The following IL1R2 variants were observed in gnomAD, a reference collection of about 807,000 sequenced individuals.
The protein encoded by IL1R2 is interleukin-1 receptor type 2.
A neutral mutation model predicts 39.5 loss-of-function variants in IL1R2; 46 were observed. The ratio of observed to expected loss-of-function variants is 1.16; its 90% CI spans 0.92 to 1.49. The LOEUF (loss-of-function observed/expected upper bound fraction) is 1.49. Ranked by LOEUF, IL1R2 falls within the 40% of genes most tolerant of loss-of-function variation. The pLI, the probability that IL1R2 is intolerant of heterozygous loss-of-function variation, is 0.00. For missense variants in IL1R2, 537 were observed against 502.0 expected, an observed-to-expected ratio of 1.07 and a Z score of -0.67; for synonymous variants, 207 against 189.6, an observed-to-expected ratio of 1.09 and a Z score of -0.75.
rs1299836017 is a variant in IL1R2 at position 102,022,231 on chromosome 2, A to T, written c.733A>T (p.Thr245Ser). 5 of 1,613,598 alleles carry T rather than the reference A, an allele frequency of 3.1e-6. No homozygotes were observed. The highest frequency in any genetic ancestry group is 1.7e-5 in the Admixed American group (1 of 60,008). ...TIPVIISPLK[T>S]ISASLGSRLT... ...TCCTGTGATCATTTCCCCCCTCAAG[A>T]CCATATCAGCTTCTCTGGGTAAGGC... Residue 245 changes from threonine (T) to serine (S), a missense_variant, in exon 6 of 9, where the codon ACC becomes TCC. Coordinates refer to ENST00000332549, the MANE Select transcript of IL1R2 (RefSeq NM_004633.4).
chr2:102,020,759 A>G (rs779381606), intron 5 of IL1R2, among the ~76,000 whole-genome samples: 5 of 152,102 alleles, frequency 3.3e-5, no homozygotes, highest in Non-Finnish European at 5.9e-5. Flanking sequence ...GTGGACCGGC[A>G]CGGTCCTGTC....
intron 1 of IL1R2, among the ~76,000 whole-genome samples, chr2:102,008,181 A>G (rs932382416): frequency 2.0e-5 from 3 of 152,216 alleles, no homozygotes; most frequent in Admixed American, 1.3e-4. Flanking sequence ...CCGAGCAGAA[A>G]GGGCACTGGC....
chr2:101,997,917 G>A (rs1376121533), intron 1 of IL1R2, among the ~76,000 whole-genome samples: 1 of 152,180 alleles, frequency 6.6e-6, no homozygotes, highest in African/African-American at 2.4e-5. Flanking sequence ...TAGCCCTGGA[G>A]CCCAAAGGGT....
chr2:102,024,477 T>C (rs1211512546), intron 6 of IL1R2, 56 bp from the exon 7 acceptor site: 24 of 1,299,004 alleles, frequency 1.8e-5, no homozygotes, highest in Non-Finnish European at 2.5e-5. Flanking sequence ...TCAGGTTTGC[T>C]GGTGGGTGGG....
chr2:102,013,524 C>CAAAAAAAAAAAAAAAAAAAAAAAAA (rs771727938), intron 3 of IL1R2, among the ~76,000 whole-genome samples: 1 of 5,686 alleles, frequency 1.8e-4, no homozygotes, highest in Non-Finnish European at 3.0e-4. Flanking sequence ...TCTATCACTG[C>CAAAAAAAAAAAAAAAAAAAAAAAAA]AAAAAAAAAA....
chr2:102,007,468 C>A (rs918143462), intron 1 of IL1R2, among the ~76,000 whole-genome samples: 1 of 152,156 alleles, frequency 6.6e-6, no homozygotes, highest in Non-Finnish European at 1.5e-5. Context: ...CATTAACTCA[C>A]TCATTCATTC....
At chr2:101,993,526 G>A (rs577407607) in intron 1 of IL1R2, among the ~76,000 whole-genome samples, 3 of 152,202 alleles carry the variant, frequency 2.0e-5, no homozygotes, top group Admixed American at 6.5e-5. Flanking sequence ...ACAGACTCAG[G>A]TGTCCTGACT....
chr2:102,024,750 A>C (rs1677631430), intron 7 of IL1R2, 82 bp downstream of exon 7: 3 of 1,523,020 alleles, frequency 2.0e-6, no homozygotes, highest in Non-Finnish European at 2.7e-6. Flanking sequence ...TGACCCACAT[A>C]CCACATTAAA....
chr2:102,000,272 T>C (rs1433381169), intron 1 of IL1R2, among the ~76,000 whole-genome samples: 1 of 152,232 alleles, frequency 6.6e-6, no homozygotes, highest in African/African-American at 2.4e-5. Context: ...CCTCCTGTAG[T>C]GCACACCAGG....
intron 1 of IL1R2, among the ~76,000 whole-genome samples, chr2:101,998,297 G>A (rs1312384731): frequency 2.6e-5 from 4 of 152,198 alleles, no homozygotes; most frequent in African/African-American, 9.7e-5. Flanking sequence ...CGAAATGGCT[G>A]TGTGCTTTGG....
chr2:102,015,515 A>G (rs1382932045), intron 3 of IL1R2, among the ~76,000 whole-genome samples: 1 of 152,188 alleles, frequency 6.6e-6, no homozygotes, highest in African/African-American at 2.4e-5. Context: ...CACTTAACTT[A>G]CCCAACATCA....
At chr2:102,013,576 G>A (rs1411668778) in intron 3 of IL1R2, among the ~76,000 whole-genome samples, 282 of 53,976 alleles carry the variant, frequency 5.2e-3, no homozygotes, top group Non-Finnish European at 6.6e-3. Flanking sequence ...AGAAAAGAAG[G>A]AAAAGAAAAA....
intron 3 of IL1R2, among the ~76,000 whole-genome samples, chr2:102,011,284 T>C (rs142735352): frequency 1.3e-5 from 2 of 152,328 alleles, no homozygotes; most frequent in Non-Finnish European, 2.9e-5. Flanking sequence ...CATCTGTTAA[T>C]TCTATATTTA....
At chr2:102,015,378 C>G (rs1293314683) in intron 3 of IL1R2, among the ~76,000 whole-genome samples, 1 of 152,126 alleles carries the variant, frequency 6.6e-6, no homozygotes, top group Non-Finnish European at 1.5e-5. Flanking sequence ...CTTGTTGCCC[C>G]CCAAGTGTTC....
intron 5 of IL1R2, among the ~76,000 whole-genome samples, chr2:102,021,136 C>T (rs547170878): frequency 1.3e-5 from 2 of 152,220 alleles, no homozygotes; most frequent in South Asian, 4.1e-4. Context: ...GTCTGCCCCT[C>T]AGGCTGTCCT....
rs192827983 is a variant in IL1R2 at position 102,004,697 on chromosome 2, C to T, written c.-61-3818C>T. 2.4e-3 allele frequency among the ~76,000 whole-genome samples: 360 copies of T among 152,328 alleles called. 2 individuals are homozygous for T. The highest frequency in any genetic ancestry group is 8.2e-3 in the African/African-American group (340 of 41,572). ...CTGCAAAACTAATTTGTTTTCCCCTCTGGGCCTGCCAAAGATTTACTGTTT... is the reference window on the plus strand; with the variant it reads ...CTGCAAAACTAATTTGTTTTCCCCTTTGGGCCTGCCAAAGATTTACTGTTT... On this transcript the variant is annotated intron_variant, in intron 1 of 8. Transcript: ENST00000332549.
chr2:102,008,786 C>G, intron 2 of IL1R2, 144 bp downstream of exon 2: 1 of 688,216 alleles, frequency 1.5e-6, no homozygotes, highest in Non-Finnish European at 2.6e-6. Context: ...ACTTGAGAGC[C>G]CTAGGCGGGT....
chr2:102,013,985 G>A (rs1027404918), intron 3 of IL1R2, among the ~76,000 whole-genome samples: 1 of 152,080 alleles, frequency 6.6e-6, no homozygotes, highest in African/African-American at 2.4e-5. Context: ...TTTGCCATGG[G>A]GGTGCCACAC....
At chr2:102,002,463 CTG>C (rs1559412539) in intron 1 of IL1R2, among the ~76,000 whole-genome samples, 24 of 143,020 alleles carry the variant, frequency 1.7e-4, no homozygotes, top group African/African-American at 6.3e-4. Flanking sequence ...GTCTATGTCT[CTG>C]TCTGTGTCTG....
Sources: allele counts gnomAD v4.1 joint callset (sites outside exome capture counted in the v4.1 genomes callset), GRCh38; gene constraint gnomAD v4.1.1; transcripts MANE v1.5; gene names NCBI Gene and HGNC (gene_info 2026-07-23, HGNC 2026-07-21).